The following SLIT3 variants were observed in gnomAD, a reference collection of about 807,000 sequenced individuals.
The protein encoded by SLIT3 is slit guidance ligand 3.
In SLIT3, 68 loss-of-function variants were observed where a neutral mutation model predicts 184.0. The ratio of observed to expected loss-of-function variants is 0.37; its 90% CI spans 0.30 to 0.45. The LOEUF is 0.45. SLIT3 is among the 20% of genes least tolerant of loss of function. The pLI, the probability that SLIT3 is intolerant of heterozygous loss-of-function variation, is 1.00. For synonymous variants in SLIT3, 831 were observed against 828.6 expected (o/e 1.00, Z -0.05); for missense variants, 1,707 against 2,026.0 (o/e 0.84, Z 3.02).
chr5:168,840,611 A>C (rs936138387), intron 6 of SLIT3, among the ~76,000 whole-genome samples: 1 of 152,184 alleles, frequency 6.6e-6, no homozygotes, highest in Non-Finnish European at 1.5e-5. Context: ...CAGTCTTGGC[A>C]TATTCAACTG....
chr5:169,178,402 C>T (rs189029419), intron 4 of SLIT3, among the ~76,000 whole-genome samples: 116 of 152,264 alleles, frequency 7.6e-4, no homozygotes, highest in Non-Finnish European at 1.5e-3. Context: ...CAGAAGGTGC[C>T]ATTCAGCTCT....
At chr5:169,039,790 G>A (rs960037648) in intron 4 of SLIT3, among the ~76,000 whole-genome samples, 21 of 152,126 alleles carry the variant, frequency 1.4e-4, no homozygotes, top group African/African-American at 4.8e-4. Flanking sequence ...TCCTTATCAC[G>A]TGATACAGTA....
rs557747028 is a variant in SLIT3 at position 169,149,038 on chromosome 5, C to T, written c.413+44441G>A. On this transcript the variant is annotated intron_variant, in intron 4 of 35. Transcript: ENST00000519560. ...ACAGAGACAGAAAGCCTGCATGACC[C>T]GCCAAAAGCTACAGAGCTATTAAGT... Among the ~76,000 whole-genome samples the T allele has an allele frequency of 6.6e-5, 10 of 152,248 alleles. No individual in the cohort carries two copies. The East Asian group carries it at 7.7e-4, about 12-fold the overall frequency.
intron 4 of SLIT3, among the ~76,000 whole-genome samples, chr5:169,107,512 A>G (rs1483221094): frequency 6.6e-6 from 1 of 152,212 alleles, no homozygotes; most frequent in African/African-American, 2.4e-5. Context: ...TGGTGAGCCA[A>G]TTGGTTAGAT....
At chr5:169,041,443 T>A (rs1757445390) in intron 4 of SLIT3, among the ~76,000 whole-genome samples, 2 of 149,110 alleles carry the variant, frequency 1.3e-5, no homozygotes, top group African/African-American at 4.9e-5. Flanking sequence ...GCATCTATCA[T>A]GGATTTGATT....
chr5:168,936,965 T>C (rs1762178907), intron 4 of SLIT3, among the ~76,000 whole-genome samples: 1 of 152,152 alleles, frequency 6.6e-6, no homozygotes. Context: ...TTGTTAACTA[T>C]AGCTGGGCTT....
chr5:168,742,187 G>A (rs1399360199), intron 20 of SLIT3, among the ~76,000 whole-genome samples: 1 of 136,360 alleles, frequency 7.3e-6, no homozygotes, highest in African/African-American at 2.8e-5. Flanking sequence ...GGAGTGGGAA[G>A]AGATGCTGCT....
intron 34 of SLIT3, among the ~76,000 whole-genome samples, chr5:168,670,473 C>T (rs932180667): frequency 1.3e-5 from 2 of 152,154 alleles, no homozygotes; most frequent in Non-Finnish European, 2.9e-5. Flanking sequence ...ACATTTCACC[C>T]ATGGAAAAAA....
chr5:168,815,467 T>C (rs1757307670), intron 8 of SLIT3, among the ~76,000 whole-genome samples: 1 of 152,230 alleles, frequency 6.6e-6, no homozygotes, highest in South Asian at 2.1e-4. Context: ...ACTCTCGTAC[T>C]CTATAATTAT....
chr5:168,966,702 C>T (rs187925351), intron 4 of SLIT3, among the ~76,000 whole-genome samples: 38 of 152,320 alleles, frequency 2.5e-4, no homozygotes, highest in African/African-American at 8.7e-4. Context: ...GCCTACTCCT[C>T]TTCTGTCTGG....
intron 4 of SLIT3, among the ~76,000 whole-genome samples, chr5:168,982,581 T>C (rs1345557494): frequency 1.3e-5 from 2 of 152,264 alleles, no homozygotes; most frequent in Admixed American, 6.5e-5. Flanking sequence ...GTTATTTTTA[T>C]AGTATTTTAC....
chr5:169,012,240 C>A (rs1227934519), intron 4 of SLIT3: 4 of 152,196 alleles, frequency 2.6e-5, no homozygotes, highest in Non-Finnish European at 4.4e-5. Context: ...TGTGTATTTC[C>A]TTCCAGTGTC....
At chr5:169,151,936 G>C (rs533317565) in intron 4 of SLIT3, among the ~76,000 whole-genome samples, 21 of 152,194 alleles carry the variant, frequency 1.4e-4, no homozygotes, top group Admixed American at 2.6e-4. Context: ...TATGAAATGA[G>C]GATGATCAGA....
chr5:169,121,004 C>T (rs1019164644), intron 4 of SLIT3, among the ~76,000 whole-genome samples: 2 of 152,164 alleles, frequency 1.3e-5, no homozygotes, highest in Non-Finnish European at 2.9e-5. Context: ...ATGGAACATA[C>T]TATATTTTTC....
At chr5:169,242,997 G>A (rs1765456118) in intron 3 of SLIT3, among the ~76,000 whole-genome samples, 1 of 152,088 alleles carries the variant, frequency 6.6e-6, no homozygotes, top group Admixed American at 6.6e-5. Context: ...CATCTTTCAT[G>A]TCAGACAGAA....
At chr5:168,703,814 T>C (rs1015978827) in intron 26 of SLIT3, among the ~76,000 whole-genome samples, 2 of 151,594 alleles carry the variant, frequency 1.3e-5, no homozygotes, top group African/African-American at 4.8e-5. Context: ...TAGCTGGGCG[T>C]GGTGGTGGGC....
intron 3 of SLIT3, among the ~76,000 whole-genome samples, chr5:169,202,052 T>A (rs1321029609): frequency 6.6e-6 from 1 of 151,994 alleles, no homozygotes; most frequent in African/African-American, 2.4e-5. Flanking sequence ...GGAAATATAG[T>A]GAAACCTCAT....
chr5:168,828,658 CAAAAAA>C (rs56974958), intron 6 of SLIT3, among the ~76,000 whole-genome samples: 1 of 97,140 alleles, frequency 1.0e-5, no homozygotes, highest in African/African-American at 4.0e-5. Context: ...GATCCTGACT[CAAAAAA>C]AAAAAAGAAA....
At chr5:169,272,016 A>G (rs1017779606) in intron 1 of SLIT3, among the ~76,000 whole-genome samples, 5 of 152,234 alleles carry the variant, frequency 3.3e-5, no homozygotes, top group African/African-American at 1.2e-4. Flanking sequence ...GGGCAGGTGC[A>G]GGGGCAGAAG....
Sources: allele counts gnomAD v4.1 joint callset (sites outside exome capture counted in the v4.1 genomes callset), GRCh38; gene constraint gnomAD v4.1.1; transcripts MANE v1.5; gene names NCBI Gene and HGNC (gene_info 2026-07-23, HGNC 2026-07-21).